The following LHX4 variants were observed in gnomAD, a reference collection of about 807,000 sequenced individuals.
The protein encoded by LHX4 is LIM/homeobox protein Lhx4.
In LHX4, 16 loss-of-function variants were observed where a neutral mutation model predicts 39.2. That is an observed-to-expected ratio of 0.41 (90% CI 0.28 to 0.62). The LOEUF is 0.62. LHX4 is among the 20% of genes least tolerant of loss of function. The probability of loss-of-function intolerance (pLI) is 0.33; values close to 1 mark genes in which losing one functional copy is unlikely to be tolerated. For missense variants in LHX4, 439 were observed against 511.9 expected (o/e 0.86, Z 1.37); for synonymous variants, 206 against 198.1 (o/e 1.04, Z -0.33).
intron 1 of LHX4, among the ~76,000 whole-genome samples, chr1:180,235,228 C>T (rs555945957): frequency 2.6e-5 from 4 of 152,366 alleles, no homozygotes; most frequent in African/African-American, 9.6e-5. Flanking sequence ...AGTCCATCCG[C>T]CCAGAGGTTC....
chr1:180,271,662 T>G lies in LHX4; in HGVS notation c.606+128T>G, dbSNP rs1239295304. On this transcript the variant is annotated intron_variant, in intron 4 of 5. Transcript: ENST00000263726. ...TTGACCCCAGGGCTTTTGCCAGAAC[T>G]GAAGACAGAGTTCTGAGGCCCACCT... 4 of 1,378,994 alleles carry G rather than the reference T, an allele frequency of 2.9e-6. No individual in the cohort carries two copies. The African/African-American group carries it at 5.7e-5, about 20-fold the overall frequency. 85.4% of individuals were successfully genotyped at this position (1,378,994 alleles called of 1,614,324 possible). A position where few individuals can be genotyped will look rare whatever the true frequency, so the allele number is the denominator to read the frequency against.
At chr1:180,231,163 G>C (rs1239995553) in intron 1 of LHX4, among the ~76,000 whole-genome samples, 3 of 151,470 alleles carry the variant, frequency 2.0e-5, no homozygotes, top group Non-Finnish European at 4.4e-5. Flanking sequence ...CGCCGCGTGC[G>C]CCGCGGGAAA....
At chr1:180,254,825 C>T (rs925123515) in intron 2 of LHX4, among the ~76,000 whole-genome samples, 3 of 152,178 alleles carry the variant, frequency 2.0e-5, no homozygotes, top group Non-Finnish European at 4.4e-5. Context: ...GAGTCAGAAG[C>T]AGCAAGGAAG....
chr1:180,243,643 G>A (rs1647262094), intron 1 of LHX4, among the ~76,000 whole-genome samples: 1 of 152,074 alleles, frequency 6.6e-6, no homozygotes, highest in African/African-American at 2.4e-5. Context: ...GCCATCAACA[G>A]GCAGACACCT....
intron 2 of LHX4, among the ~76,000 whole-genome samples, chr1:180,249,531 C>G (rs1043770632): frequency 6.6e-6 from 1 of 152,218 alleles, no homozygotes; most frequent in Non-Finnish European, 1.5e-5. Flanking sequence ...CAGGGAGGCT[C>G]GCCAAAGGCT....
intron 2 of LHX4, among the ~76,000 whole-genome samples, chr1:180,250,720 C>G (rs1033776677): frequency 6.6e-6 from 1 of 152,156 alleles, no homozygotes; most frequent in Non-Finnish European, 1.5e-5. Context: ...CCTCAGGGCC[C>G]TGTCTGATTT....
intron 1 of LHX4, among the ~76,000 whole-genome samples, chr1:180,240,324 G>A (rs1016059919): frequency 2.6e-5 from 4 of 152,118 alleles, no homozygotes; most frequent in East Asian, 1.9e-4. Flanking sequence ...GTGAGCCACC[G>A]TGCCCGGCCT....
At position 180,232,842 on chromosome 1, in the gene LHX4, G is replaced by T. The variant is rs1328953910; in HGVS notation, c.76+2237G>T. On this transcript the variant is annotated intron_variant, in intron 1 of 5. Transcript: ENST00000263726. The surrounding 1 kb of genome is among the most constrained non-coding windows in gnomAD (Gnocchi z 5.4). The stretch of plus-strand genomic sequence containing the variant: ...AGTGGCCTAAGAAGGGGGGAAGCTC[G>T]AGGGGTTGTGGGGCACACCCTTGGG... Among the ~76,000 whole-genome samples the T allele has an allele frequency of 6.6e-6, 1 of 152,224 alleles. No homozygotes were observed. Among genetic ancestry groups the T allele is most frequent in the African/African-American group, 2.4e-5 (1 of 41,466 alleles).
At chr1:180,251,330 TCCTCCAGGGACGGTGCCCAC>T (rs1428660007) in intron 2 of LHX4, among the ~76,000 whole-genome samples, 1 of 152,154 alleles carries the variant, frequency 6.6e-6, no homozygotes, top group Non-Finnish European at 1.5e-5. Context: ...GGCTGTTTCA[TCCTCCAGGGACGGTGCCCAC>T]CCTCCAGGGC....
intron 2 of LHX4, among the ~76,000 whole-genome samples, chr1:180,260,047 G>C (rs1273902715): frequency 6.6e-6 from 1 of 151,638 alleles, no homozygotes; most frequent in Non-Finnish European, 1.5e-5. Flanking sequence ...GTCACCAAGG[G>C]TGTGGTGGGA....
intron 1 of LHX4, among the ~76,000 whole-genome samples, chr1:180,231,615 C>T (rs1338505115): frequency 6.6e-6 from 1 of 150,830 alleles, no homozygotes; most frequent in Non-Finnish European, 1.5e-5. Flanking sequence ...GTGGCTTGCA[C>T]GCTCAGCAGG....
At position 180,274,684 on chromosome 1, in the gene LHX4, T is replaced by C. The variant is rs935512394; in HGVS notation, c.*105T>C. ...GATCGAAAGTACGCCAATGTGAATT[T>C]CCATTATTTTCAATGGAAGTCCTCC... On this transcript the variant is annotated 3_prime_UTR_variant, in exon 6 of 6. Coordinates refer to ENST00000263726, the MANE Select transcript of LHX4 (RefSeq NM_033343.4). The C allele has an allele frequency of 2.7e-5, 36 of 1,326,766 alleles. No homozygotes were observed. Among genetic ancestry groups the C allele is most frequent in the Non-Finnish European group, 3.6e-5 (35 of 977,732 alleles). 82.2% of individuals were successfully genotyped at this position (1,326,766 alleles called of 1,614,324 possible). A position where few individuals can be genotyped will look rare whatever the true frequency, so the allele number is the denominator to read the frequency against.
chr1:180,250,077 C>G (rs1468076646), intron 2 of LHX4, among the ~76,000 whole-genome samples: 1 of 152,082 alleles, frequency 6.6e-6, no homozygotes, highest in Non-Finnish European at 1.5e-5. Flanking sequence ...GAAGGACAGA[C>G]CTCTGGTCCT....
At chr1:180,254,041 T>C (rs540657159) in intron 2 of LHX4, among the ~76,000 whole-genome samples, 1 of 152,318 alleles carries the variant, frequency 6.6e-6, no homozygotes, top group African/African-American at 2.4e-5. Context: ...GAGGGCAACG[T>C]TCCTACACGT....
Position 180,274,909 on chromosome 1 carries a change from T to C in LHX4, c.*330T>C. ...CTTTGGTAGCACAAGGTGACTGTGA[T>C]AGGCCCCCTTGGCCTTTGGGAACTT... is the stretch of plus-strand genomic sequence containing the variant. On this transcript the variant is annotated 3_prime_UTR_variant, in exon 6 of 6. Coordinates refer to ENST00000263726, the MANE Select transcript of LHX4 (RefSeq NM_033343.4). 4.2e-6 allele frequency: 1 copy of C among 239,750 alleles called. No homozygotes were observed. Among genetic ancestry groups the C allele is most frequent in the Non-Finnish European group, 8.1e-6 (1 of 122,856 alleles). The allele number at this position is 239,750 out of a possible 1,614,324, so 14.9% of individuals were successfully genotyped here.
intron 2 of LHX4, among the ~76,000 whole-genome samples, chr1:180,255,376 GCATA>G (rs1286334089): frequency 2.6e-5 from 4 of 152,048 alleles, no homozygotes; most frequent in African/African-American, 9.7e-5. Flanking sequence ...ACACACACAT[GCATA>G]CACACACGCA....
chr1:180,265,849 C>T (rs357047), intron 2 of LHX4, among the ~76,000 whole-genome samples: 139,996 of 152,240 alleles, frequency 0.92, 64,493 homozygotes, highest in East Asian at 0.99. Flanking sequence ...GAACAGCTGT[C>T]AGGACAGCCT....
At position 180,266,413 on chromosome 1, in the gene LHX4, G is replaced by A. The variant is rs767622575; in HGVS notation, c.270G>A (p.Thr90=). The part of the protein sequence containing the change: ...DFFKRFGTKC[T]ACQQGIPPTQ... ...ACAGGCGCTTCGGCACAAAATGCAC[G>A]GCCTGCCAGCAGGGTATCCCCCCAA... The change falls in exon 3 of 6, where the codon ACG becomes ACA. Residue 90 remains threonine, a synonymous_variant. Transcript: ENST00000263726. The surrounding 1 kb of genome is among the most constrained non-coding windows in gnomAD (Gnocchi z 5.7). 16 of 1,614,160 alleles carry A rather than the reference G, an allele frequency of 9.9e-6. No homozygotes were observed. Among genetic ancestry groups the A allele is most frequent in the Admixed American group, 1.7e-5 (1 of 60,026 alleles).
chr1:180,233,433 G>T (rs1252127816), intron 1 of LHX4, among the ~76,000 whole-genome samples: 1 of 151,792 alleles, frequency 6.6e-6, no homozygotes, highest in Non-Finnish European at 1.5e-5. Context: ...ACCTCCCTCC[G>T]GGCTGTAGGG....
Sources: allele counts gnomAD v4.1 joint callset (sites outside exome capture counted in the v4.1 genomes callset), GRCh38; gene constraint gnomAD v4.1.1; non-coding constraint Gnocchi (gnomAD v3.1); transcripts MANE v1.5; gene names NCBI Gene and HGNC (gene_info 2026-07-23, HGNC 2026-07-21).